RUFY2: variants seen among roughly 807,000 people sequenced by gnomAD.
The protein encoded by RUFY2 is RUN and FYVE domain containing 2, also known as RUN and FYVE domain-containing protein 2.
RUFY2 carries 49 observed loss-of-function variants against 94.4 expected under a neutral mutation model. That is an observed-to-expected ratio of 0.52 (90% CI 0.41 to 0.66). The LOEUF is 0.66. Ranked by LOEUF, RUFY2 falls within the 30% of genes least tolerant of loss-of-function variation. The pLI is 0.00. For missense variants in RUFY2, 541 were observed against 692.8 expected (o/e 0.78, Z 2.46); for synonymous variants, 255 against 235.7 (o/e 1.08, Z -0.75).
chr10:68,380,510 TTAAATTG>T (rs1451430458), intron 11 of RUFY2, among the ~76,000 whole-genome samples: 3 of 152,010 alleles, frequency 2.0e-5, no homozygotes, highest in African/African-American at 7.2e-5. Context: ...TTCAAATTAA[TTAAATTG>T]TAAAGGGTTT....
chr10:68,380,352 G>A (rs1419015787), intron 11 of RUFY2, among the ~76,000 whole-genome samples: 1 of 150,320 alleles, frequency 6.7e-6, no homozygotes, highest in Non-Finnish European at 1.5e-5. Context: ...AGACCAGCCT[G>A]GGCAATATAG....
chr10:68,370,243 C>T (rs890983362), intron 13 of RUFY2, among the ~76,000 whole-genome samples: 6 of 152,054 alleles, frequency 3.9e-5, no homozygotes, highest in Non-Finnish European at 5.9e-5. Context: ...CGAGATTGCA[C>T]CACTGCACTC....
Position 68,345,507 on chromosome 10 carries a change from G to A in RUFY2, c.*261C>T, listed in dbSNP as rs555609979. ...TATTTTTAAGGCCTTTACAAGATAA[G>A]GCAAGTTGTGTTAGCTCTGCTCTCT... On this transcript the variant is annotated 3_prime_UTR_variant, in exon 18 of 18. Transcript: ENST00000602465. 24 of 427,706 alleles carry A rather than the reference G, an allele frequency of 5.6e-5. No individual in the cohort carries two copies. Among genetic ancestry groups the A allele is most frequent in the African/African-American group, 4.9e-4 (24 of 49,010 alleles). 26.5% of individuals were successfully genotyped at this position (427,706 alleles called of 1,614,324 possible). A position where few individuals can be genotyped will look rare whatever the true frequency, so the allele number is the denominator to read the frequency against.
intron 1 of RUFY2, chr10:68,405,528 G>GCAAAAA: frequency 2.5e-6 from 2 of 795,476 alleles, no homozygotes; most frequent in Non-Finnish European, 3.0e-6. Flanking sequence ...AGGGCCTCAT[G>GCAAAAA]CAAAAGGTAG....
intron 11 of RUFY2, 83 bp downstream of exon 11, chr10:68,381,148 TG>T (rs2049033105): frequency 3.1e-6 from 3 of 964,776 alleles, no homozygotes; most frequent in South Asian, 3.7e-5. Context: ...TAAAATAAAA[TG>T]GGCTCATCTC....
At chr10:68,363,864 T>A (rs2047629564) in intron 14 of RUFY2, 120 bp downstream of exon 14, 1 of 877,398 alleles carries the variant, frequency 1.1e-6, no homozygotes, top group African/African-American at 1.7e-5. Context: ...ATCTCTTTAC[T>A]GATATTTTTT....
chr10:68,373,157 A>T (rs1282403487), intron 13 of RUFY2, among the ~76,000 whole-genome samples: 1 of 152,228 alleles, frequency 6.6e-6, no homozygotes, highest in Non-Finnish European at 1.5e-5. Context: ...TTCACACTTC[A>T]TCCAAAGTGG....
chr10:68,407,206 C>G lies in RUFY2; in HGVS notation c.-17G>C. The G allele has an allele frequency of 7.1e-7, 1 of 1,406,036 alleles. No homozygotes were observed. Among genetic ancestry groups the G allele is most frequent in the Non-Finnish European group, 9.2e-7 (1 of 1,092,506 alleles). 87.1% of individuals were successfully genotyped at this position (1,406,036 alleles called of 1,614,324 possible). A position where few individuals can be genotyped will look rare whatever the true frequency, so the allele number is the denominator to read the frequency against. ...CTTACCCATGGCGGCGGCGGCTGCG[C>G]GGTCTCGGGCGGAGGCTCCCTCGGC... On this transcript the variant is annotated 5_prime_UTR_variant, in exon 1 of 18. Transcript: ENST00000602465.
At chr10:68,372,816 G>A (rs371488014) in intron 13 of RUFY2, among the ~76,000 whole-genome samples, 62 of 152,034 alleles carry the variant, frequency 4.1e-4, no homozygotes, top group African/African-American at 1.5e-3. Context: ...GCCTGAGATG[G>A]GAGGATTACT....
rs777041777 is a variant in RUFY2, at chr10:68,393,197, A to C, written c.591T>G (p.Val197=). The C allele has an allele frequency of 1.3e-6, 2 of 1,553,922 alleles. No individual in the cohort carries two copies. The highest frequency in any genetic ancestry group is 1.8e-5 in the Admixed American group (1 of 56,708). The change falls in exon 7 of 18, where the codon GTT becomes GTG. Residue 197 remains valine (V), a synonymous_variant. Transcript: ENST00000602465. ...EEDIGNKERN[V]QIAAILDQKN... ...TTTGGTCTAATATGGCAGCAATTTG[A>C]ACATTCCTAAATGAGGAAAAAAGTA...
chr10:68,347,696 A>C (rs899704947), intron 16 of RUFY2, among the ~76,000 whole-genome samples: 7 of 152,176 alleles, frequency 4.6e-5, no homozygotes, highest in African/African-American at 1.7e-4. Flanking sequence ...GAGAAGACCC[A>C]GATGAAGGAG....
intron 15 of RUFY2, among the ~76,000 whole-genome samples, chr10:68,363,350 C>A (rs952380374): frequency 6.6e-6 from 1 of 152,042 alleles, no homozygotes; most frequent in African/African-American, 2.4e-5. Context: ...CTAATTTTTG[C>A]ATTTTTAGTA....
rs753356997 is a variant in RUFY2 at position 68,401,673 on chromosome 10, C to T, written c.243G>A (p.Leu81=). ...CTCCTATTTCCTCTGCTTCGGGGTA[C>T]AGCTTCTCCACCAGTTCCAAAGGGC... is the stretch of plus-strand genomic sequence containing the variant. ...IWGPLELVEK[L]YPEAEEIGAS... The change falls in exon 3 of 18, where the codon CTG becomes CTA. Residue 81 remains leucine (L), a synonymous_variant. Coordinates refer to ENST00000602465, the MANE Select transcript of RUFY2 (RefSeq NM_001330103.2). The T allele has an allele frequency of 3.7e-6, 6 of 1,614,008 alleles. No individual in the cohort carries two copies. The highest frequency in any genetic ancestry group is 1.1e-5 in the South Asian group (1 of 91,076).
At chr10:68,363,476 G>C (rs2047599166) in intron 15 of RUFY2, 114 bp downstream of exon 15, 2 of 636,884 alleles carry the variant, frequency 3.1e-6, no homozygotes, top group Non-Finnish European at 5.1e-6. Flanking sequence ...CACCGCGCCC[G>C]GCCTAGTTCG....
intron 3 of RUFY2, among the ~76,000 whole-genome samples, chr10:68,398,363 T>C (rs2050559483): frequency 6.6e-6 from 1 of 152,008 alleles, no homozygotes; most frequent in African/African-American, 2.4e-5. Flanking sequence ...TTATTAAAAA[T>C]AAAAGTGGCC....
At chr10:68,350,827 C>G (rs1055702736) in intron 16 of RUFY2, among the ~76,000 whole-genome samples, 1 of 152,026 alleles carries the variant, frequency 6.6e-6, no homozygotes, top group South Asian at 2.1e-4. Context: ...ATTCTCCTGC[C>G]TCAGCCTCCT....
At chr10:68,365,545 G>A (rs1379692415) in intron 13 of RUFY2, among the ~76,000 whole-genome samples, 2 of 152,156 alleles carry the variant, frequency 1.3e-5, no homozygotes, top group African/African-American at 4.8e-5. Flanking sequence ...GACAGGCTCC[G>A]GCCACCAGAG....
At position 68,344,039 on chromosome 10, in the gene RUFY2, C is replaced by T. The variant is rs946743193; in HGVS notation, c.*1729G>A. On this transcript the variant is annotated 3_prime_UTR_variant, in exon 18 of 18. Transcript: ENST00000602465. ...TTCAGTAATCATAAAAATGTTAGCC[C>T]ATCCCACCTATCAATACAAAATGGT... The T allele has an allele frequency of 2.0e-5, 3 of 152,032 alleles. No homozygotes were observed. The highest frequency in any genetic ancestry group is 7.2e-5 in the African/African-American group (3 of 41,386). 9.4% of individuals were successfully genotyped at this position (152,032 alleles called of 1,614,324 possible).
Position 68,383,900 on chromosome 10 carries a change from A to G in RUFY2, c.837T>C (p.Asp279=). The change falls in exon 10 of 18, where the codon GAT becomes GAC. Residue 279 remains aspartate, a synonymous_variant. Coordinates refer to ENST00000602465, the MANE Select transcript of RUFY2 (RefSeq NM_001330103.2). ...TATATGTTTGAAGCTCAGTTTCCAC[A>G]TCTACTTTGGTAACCTAGGAAGAAA... ...TQQHLEVTKV[D]VETELQTYKH... is the part of the protein sequence containing the mutation. 1 of 1,613,650 alleles carries G rather than the reference A, an allele frequency of 6.2e-7. No individual in the cohort carries two copies. Among genetic ancestry groups the G allele is most frequent in the African/African-American group, 1.3e-5 (1 of 75,036 alleles).
Sources: allele counts gnomAD v4.1 joint callset (sites outside exome capture counted in the v4.1 genomes callset), GRCh38; gene constraint gnomAD v4.1.1; transcripts MANE v1.5; gene names NCBI Gene and HGNC (gene_info 2026-07-23, HGNC 2026-07-21).